DNAH8: variants seen among roughly 807,000 people sequenced by gnomAD.
DNAH8 encodes axonemal beta dynein heavy chain 8.
Under a neutral mutation model 562.1 loss-of-function variants are expected in DNAH8, and 382 were observed. The observed-to-expected ratio is 0.68, with a 90% CI of 0.63 to 0.74. DNAH8 has a LOEUF of 0.74. Among genes scored for constraint, DNAH8 ranks in the 30% least tolerant of loss-of-function variants. The pLI is 0.00. For synonymous variants in DNAH8, 1,881 were observed against 1,919.4 expected (o/e 0.98, Z 0.52); for missense variants, 5,203 against 5,620.4 (o/e 0.93, Z 2.37).
rs190589250 is a variant in DNAH8 at position 38,990,334 on chromosome 6, A to G, written c.13214+162A>G. 1.6e-3 allele frequency among the ~76,000 whole-genome samples: 249 copies of G among 152,174 alleles called. 1 individual carries two copies. The highest frequency in any genetic ancestry group is 5.8e-3 in the African/African-American group (239 of 41,512). ...TGTCTCCCAATTACAACTTTGTCATATCTTGGCCTGCTCTCCTCTCACTAA... is the reference window on the plus strand; with the variant it reads ...TGTCTCCCAATTACAACTTTGTCATGTCTTGGCCTGCTCTCCTCTCACTAA... On this transcript the variant is annotated intron_variant, in intron 88 of 92. Transcript: ENST00000327475.
intron 79 of DNAH8, among the ~76,000 whole-genome samples, chr6:38,944,081 C>T (rs1783660270): frequency 6.6e-6 from 1 of 152,222 alleles, no homozygotes; most frequent in South Asian, 2.1e-4. Flanking sequence ...CTCAGGATTA[C>T]ATGAAAACAT....
At position 38,973,719 on chromosome 6, in the gene DNAH8, T is replaced by C; in HGVS notation, c.12584T>C (p.Leu4195Pro). Residue 4195 changes from leucine (L) to proline (P), a missense_variant, in exon 84 of 93, where the codon CTA (leucine) becomes CCA (proline). Transcript: ENST00000327475. ...GGCCTGGAATTCATGGAAGAATTAC[T>C]AGAGACGCTAATTACCACTGAAGCC... The part of the protein sequence containing the change: ...HLGLEFMEEL[L>P]ETLITTEASD... 1 of 1,610,144 alleles carries C rather than the reference T, an allele frequency of 6.2e-7. No homozygotes were observed. The highest frequency in any genetic ancestry group is 1.7e-5 in the Admixed American group (1 of 59,284).
At chr6:38,859,773 T>G (rs78901652) in intron 42 of DNAH8, among the ~76,000 whole-genome samples, 158 of 152,350 alleles carry the variant, frequency 1.0e-3, no homozygotes, top group African/African-American at 3.2e-3. Flanking sequence ...TGCTGATGAC[T>G]AGGCAGATTG....
intron 10 of DNAH8, among the ~76,000 whole-genome samples, chr6:38,757,857 C>T (rs1478289018): frequency 2.0e-5 from 3 of 152,106 alleles, no homozygotes; most frequent in African/African-American, 7.2e-5. Context: ...TTTCTGAGGG[C>T]TCTGTTCTGT....
At position 38,868,161 on chromosome 6, in the gene DNAH8, A is replaced by C; in HGVS notation, c.6793A>C (p.Met2265Leu). 1.9e-6 allele frequency: 3 copies of C among 1,613,878 alleles called. No individual in the cohort carries two copies. Among genetic ancestry groups the C allele is most frequent in the African/African-American group, 1.3e-5 (1 of 75,050 alleles). Residue 2265 changes from methionine (M) to leucine (L), a missense_variant, in exon 48 of 93, where the codon ATG (methionine) becomes CTG (leucine). Met to Leu is a conservative substitution (Grantham distance 15, BLOSUM62 2). This residue lies in a region of DNAH8 where 2,176 missense variants were observed against 2,365.1 expected (regional missense o/e 0.92). Transcript: ENST00000327475. The part of the protein sequence containing the change: ...RPEDSELSIV[M>L]RGLRDMNLSK... ...AGAAGATAGTGAATTAAGCATTGTC[A>C]TGAGAGGACTAAGAGATATGAACCT...
intron 9 of DNAH8, 45 bp from the exon 10 acceptor site, chr6:38,755,927 A>G: frequency 1.9e-6 from 2 of 1,049,972 alleles, no homozygotes; most frequent in South Asian, 1.3e-5. Context: ...GGTTATTAAA[A>G]CTATATGCAT....
rs79064829 is a variant in DNAH8, at chr6:38,893,042, A to G, written c.8584-1659A>G. Among the ~76,000 whole-genome samples the G allele has an allele frequency of 9.5e-3, 1,446 of 152,178 alleles. 19 individuals are homozygous for G. The highest frequency in any genetic ancestry group is 0.031 in the African/African-American group (1,307 of 41,530). On this transcript the variant is annotated intron_variant, in intron 58 of 92. Coordinates refer to ENST00000327475, the MANE Select transcript of DNAH8 (RefSeq NM_001206927.2). Reference sequence around the variant, plus strand: ...TATCATTATTTGCATATTTACATATATATTTGTTCCCTGTTCATTCTCAGG... The same window carrying G: ...TATCATTATTTGCATATTTACATATGTATTTGTTCCCTGTTCATTCTCAGG...
At chr6:38,974,601 C>T (rs1583486744) in intron 85 of DNAH8, 72 bp downstream of exon 85, 3 of 1,291,116 alleles carry the variant, frequency 2.3e-6, no homozygotes, top group Non-Finnish European at 3.3e-6. Context: ...GGAGAGGCTT[C>T]CAGGAGGGTG....
intron 79 of DNAH8, 61 bp from the exon 80 acceptor site, chr6:38,945,406 T>C (rs909084117): frequency 1.3e-6 from 2 of 1,558,000 alleles, no homozygotes; most frequent in African/African-American, 2.7e-5. Context: ...ATTTGAAAAG[T>C]ACATTTCTAG....
At chr6:38,810,293 C>CAACTA (rs1288261575) in intron 24 of DNAH8, among the ~76,000 whole-genome samples, 1 of 151,958 alleles carries the variant, frequency 6.6e-6, no homozygotes, top group Admixed American at 6.6e-5. Flanking sequence ...TATTTTGCTC[C>CAACTA]AACTAAAAGA....
At chr6:38,716,701 T>C (rs192729361) in intron 1 of DNAH8, 4 of 152,356 alleles carry the variant, frequency 2.6e-5, no homozygotes, top group Admixed American at 2.0e-4. Context: ...TAGTCTTTTA[T>C]GTAGCCACAG....
intron 91 of DNAH8, among the ~76,000 whole-genome samples, chr6:39,017,143 C>G (rs985870000): frequency 2.0e-5 from 3 of 152,142 alleles, no homozygotes; most frequent in Non-Finnish European, 2.9e-5. Flanking sequence ...CAGCAGATTA[C>G]TCAGGCCAGG....
intron 75 of DNAH8, 44 bp downstream of exon 75, chr6:38,929,710 G>GAAAAAGAA (rs1175458784): frequency 2.2e-6 from 3 of 1,378,714 alleles, no homozygotes; most frequent in African/African-American, 3.1e-5. Flanking sequence ...AGAAAGAAAA[G>GAAAAAGAA]AAAAAGAAAA....
chr6:38,922,996 A>G (rs1781831007), intron 71 of DNAH8, 62 bp from the exon 72 acceptor site: 1 of 1,534,878 alleles, frequency 6.5e-7, no homozygotes, highest in Non-Finnish European at 8.8e-7. Context: ...TGTGAATATA[A>G]TGGATGTTTG....
chr6:38,906,507 A>T, intron 63 of DNAH8, 100 bp downstream of exon 63: 4 of 994,390 alleles, frequency 4.0e-6, no homozygotes, highest in Non-Finnish European at 5.5e-6. Flanking sequence ...TATTTAGTAC[A>T]TTTTTTATTT....
At chr6:38,814,554 C>T (rs1308967333) in intron 25 of DNAH8, among the ~76,000 whole-genome samples, 1 of 150,746 alleles carries the variant, frequency 6.6e-6, no homozygotes, top group Non-Finnish European at 1.5e-5. Flanking sequence ...GCACTCCAGC[C>T]TGGGCGACAG....
In DNAH8 at chr6:38,951,321, T is replaced by C. The variant is rs747006129; in HGVS notation, c.12252T>C (p.Ser4084=). The part of the protein sequence containing the change: ...DTCHKLLLIR[S]WCPDRTVFQA... ...CCTAACTTGTATTCATTTTTAGGTC[T>C]TGGTGCCCAGACCGTACTGTTTTTC... Residue 4084 remains serine, a synonymous_variant, in exon 82 of 93, where the codon TCT becomes TCC. Coordinates refer to ENST00000327475, the MANE Select transcript of DNAH8 (RefSeq NM_001206927.2). The C allele has an allele frequency of 6.2e-7, 1 of 1,614,118 alleles. No homozygotes were observed. The highest frequency in any genetic ancestry group is 1.1e-5 in the South Asian group (1 of 91,070).
chr6:38,951,822 A>G (rs998469003), intron 82 of DNAH8, among the ~76,000 whole-genome samples: 2 of 152,226 alleles, frequency 1.3e-5, no homozygotes, highest in Admixed American at 6.5e-5. Context: ...TGAACACACA[A>G]TAGCCAAAGT....
At chr6:38,828,104 A>G (rs765052739) in intron 29 of DNAH8, 80 bp from the exon 30 acceptor site, 9 of 853,464 alleles carry the variant, frequency 1.1e-5, no homozygotes, top group Non-Finnish European at 1.7e-5. Context: ...AGACATAGGA[A>G]TGTGTTTCTA....
Sources: allele counts gnomAD v4.1 joint callset (sites outside exome capture counted in the v4.1 genomes callset), GRCh38; gene constraint gnomAD v4.1.1; regional missense constraint gnomAD v4.1.1; transcripts MANE v1.5; gene names NCBI Gene and HGNC (gene_info 2026-07-23, HGNC 2026-07-21).